Variants in YPEL2 observed in about 807,000 individuals in gnomAD.
YPEL2 encodes the protein protein yippee-like 2.
Under a neutral mutation model 19.1 loss-of-function variants are expected in YPEL2, and 2 were observed. The observed-to-expected ratio is 0.10, with a 90% CI of 0.04 to 0.33. The LOEUF (loss-of-function observed/expected upper bound fraction) is 0.33, where lower values mean the gene tolerates loss of function less well. Ranked by LOEUF, YPEL2 falls within the 10% of genes least tolerant of loss-of-function variation. YPEL2 has a pLI of 1.00. For missense variants in YPEL2, 66 were observed against 140.7 expected, an observed-to-expected ratio of 0.47 and a Z score of 2.68; for synonymous variants, 52 against 50.0, an observed-to-expected ratio of 1.04 and a Z score of -0.17.
In YPEL2 at chr17:59,339,818, G is replaced by A. The variant is rs117909423; in HGVS notation, c.-196+7994G>A. On this transcript the variant is annotated intron_variant, in intron 1 of 4. Coordinates refer to ENST00000312655, the MANE Select transcript of YPEL2 (RefSeq NM_001005404.4). ...ATAATGCCTGTCTCCCTGGGTTGTT[G>A]TGAGGATTAATTGAGATATGACCCC... Among the ~76,000 whole-genome samples the A allele has an allele frequency of 2.9e-3, 436 of 152,260 alleles. 3 individuals carry two copies. Among genetic ancestry groups the A allele is most frequent in the Non-Finnish European group, 4.7e-3 (321 of 68,028 alleles).
intron 2 of YPEL2, among the ~76,000 whole-genome samples, chr17:59,357,339 A>G (rs1465923832): frequency 6.6e-6 from 1 of 152,192 alleles, no homozygotes; most frequent in East Asian, 1.9e-4. Context: ...GGGGTAATAG[A>G]AAGCCAAGTG....
chr17:59,357,465 T>G (rs915543528), intron 2 of YPEL2, among the ~76,000 whole-genome samples: 13 of 152,092 alleles, frequency 8.5e-5, no homozygotes, highest in Non-Finnish European at 1.5e-4. Flanking sequence ...ATCCTACAAT[T>G]TTTTTCTTAG....
intron 1 of YPEL2, among the ~76,000 whole-genome samples, chr17:59,351,461 C>T (rs1291615498): frequency 6.6e-6 from 1 of 152,094 alleles, no homozygotes; most frequent in African/African-American, 2.4e-5. Context: ...CTATCTGTAA[C>T]ACTCTGGCAC....
chr17:59,383,882 AT>A, intron 2 of YPEL2, among the ~76,000 whole-genome samples: 2 of 152,076 alleles, frequency 1.3e-5, no homozygotes, highest in Middle Eastern at 6.8e-3. Context: ...GAGTAGTAGT[AT>A]ATGGATATAC....
chr17:59,334,607 C>CAT (rs1567726279), intron 1 of YPEL2, among the ~76,000 whole-genome samples: 1 of 149,608 alleles, frequency 6.7e-6, no homozygotes, highest in East Asian at 2.0e-4. Context: ...CACACACACA[C>CAT]GCCTGATGCA....
At chr17:59,373,568 T>C (rs1474253868) in intron 2 of YPEL2, among the ~76,000 whole-genome samples, 1 of 152,232 alleles carries the variant, frequency 6.6e-6, no homozygotes, top group East Asian at 1.9e-4. Context: ...AGCTATATAC[T>C]CTCTGCGGTG....
At chr17:59,385,645 G>A (rs1225914402) in intron 2 of YPEL2, among the ~76,000 whole-genome samples, 1 of 152,118 alleles carries the variant, frequency 6.6e-6, no homozygotes, top group African/African-American at 2.4e-5. Flanking sequence ...ATCTATAAGT[G>A]GTAAGAGGAT....
At chr17:59,332,105 C>T (rs1302014412) in intron 1 of YPEL2, among the ~76,000 whole-genome samples, 1 of 152,036 alleles carries the variant, frequency 6.6e-6, no homozygotes, top group African/African-American at 2.4e-5. Flanking sequence ...GGGCGGGAGA[C>T]GCGCGCCAGG....
chr17:59,372,935 A>G (rs539882429), intron 2 of YPEL2, among the ~76,000 whole-genome samples: 10 of 152,322 alleles, frequency 6.6e-5, no homozygotes, highest in African/African-American at 2.2e-4. Flanking sequence ...GTGCAATGGC[A>G]TGGTCTCGGC....
At chr17:59,367,806 G>A (rs146821748) in intron 2 of YPEL2, among the ~76,000 whole-genome samples, 22 of 152,240 alleles carry the variant, frequency 1.4e-4, no homozygotes, top group African/African-American at 5.1e-4. Flanking sequence ...CCCACCATAG[G>A]TTACAAGGTG....
intron 1 of YPEL2, among the ~76,000 whole-genome samples, chr17:59,349,010 T>TA (rs2047771681): frequency 6.6e-6 from 1 of 151,880 alleles, no homozygotes; most frequent in African/African-American, 2.4e-5. Flanking sequence ...CCGTCTCTAC[T>TA]AAAAATACAA....
At chr17:59,351,244 G>A (rs1230003884) in intron 1 of YPEL2, among the ~76,000 whole-genome samples, 2 of 152,026 alleles carry the variant, frequency 1.3e-5, no homozygotes, top group African/African-American at 4.8e-5. Flanking sequence ...GCGTGGTGGC[G>A]GGCGCCTGTA....
rs1364227879 is a variant in YPEL2, at chr17:59,398,353, CTG to C, written c.*1165_*1166del. On this transcript the variant is annotated 3_prime_UTR_variant, in exon 5 of 5. Transcript: ENST00000312655. ...TTTTCTCCAGTCTTGTTACTGTAGA[CTG>C]TAGAAAGCACGGGCCCCAGGCTCTG... The C allele has an allele frequency of 6.6e-6, 1 of 152,146 alleles. No homozygotes were observed. The highest frequency in any genetic ancestry group is 1.5e-5 in the Non-Finnish European group (1 of 68,040). 9.4% of individuals were successfully genotyped at this position (152,146 alleles called of 1,614,324 possible). A position where few individuals can be genotyped will look rare whatever the true frequency, so the allele number is the denominator to read the frequency against.
At chr17:59,345,508 A>G (rs897532060) in intron 1 of YPEL2, among the ~76,000 whole-genome samples, 2 of 152,190 alleles carry the variant, frequency 1.3e-5, no homozygotes, top group African/African-American at 4.8e-5. Flanking sequence ...TCCTGAGATT[A>G]GTAGAGTCAG....
chr17:59,358,571 A>C (rs1598035005), intron 2 of YPEL2, among the ~76,000 whole-genome samples: 2 of 149,526 alleles, frequency 1.3e-5, no homozygotes, highest in Non-Finnish European at 3.0e-5. Context: ...CTCAGTTCCC[A>C]CGGCTCATCA....
intron 1 of YPEL2, among the ~76,000 whole-genome samples, chr17:59,350,928 G>A (rs2047784582): frequency 6.6e-6 from 1 of 152,120 alleles, no homozygotes; most frequent in Non-Finnish European, 1.5e-5. Flanking sequence ...GCTCCCCAGC[G>A]GGCAGCTAAG....
chr17:59,368,454 G>T (rs1345974236), intron 2 of YPEL2, among the ~76,000 whole-genome samples: 2 of 152,204 alleles, frequency 1.3e-5, no homozygotes, highest in African/African-American at 4.8e-5. Context: ...AAAATGTAGT[G>T]AAACACAGTC....
At chr17:59,382,612 G>A (rs1355709139) in intron 2 of YPEL2, among the ~76,000 whole-genome samples, 1 of 152,118 alleles carries the variant, frequency 6.6e-6, no homozygotes, top group Non-Finnish European at 1.5e-5. Flanking sequence ...AATTTTTAAT[G>A]AACATTTGTA....
chr17:59,359,253 A>G (rs1330586020), intron 2 of YPEL2, among the ~76,000 whole-genome samples: 1 of 151,986 alleles, frequency 6.6e-6, no homozygotes, highest in Non-Finnish European at 1.5e-5. Context: ...CAATAAAACT[A>G]CTCTCTGAAA....
Sources: allele counts gnomAD v4.1 joint callset (sites outside exome capture counted in the v4.1 genomes callset), GRCh38; gene constraint gnomAD v4.1.1; transcripts MANE v1.5; gene names NCBI Gene and HGNC (gene_info 2026-07-23, HGNC 2026-07-21).